MGAM2: variants seen among roughly 807,000 people sequenced by gnomAD.
The protein encoded by MGAM2 is probable maltase-glucoamylase 2.
Under a neutral mutation model 96.1 loss-of-function variants are expected in MGAM2, and 98 were observed. The observed-to-expected ratio is 1.02, with a 90% CI of 0.87 to 1.21. MGAM2 has a LOEUF of 1.21. Among genes scored for constraint, MGAM2 ranks in the 50% most tolerant of loss-of-function variants. MGAM2 has a pLI of 0.00. For missense variants in MGAM2, 2,055 were observed against 1,182.4 expected, an observed-to-expected ratio of 1.74 and a Z score of -10.82; for synonymous variants, 749 against 414.8, an observed-to-expected ratio of 1.81 and a Z score of -9.79.
At chr7:142,217,067 C>T (rs1322836576) in intron 46 of MGAM2, among the ~76,000 whole-genome samples, 2 of 152,148 alleles carry the variant, frequency 1.3e-5, no homozygotes, top group Non-Finnish European at 2.9e-5. Flanking sequence ...GTTACATGTC[C>T]TTCCTAAGTT....
rs1796802382 is a variant in MGAM2 at position 142,189,470 on chromosome 7, C to A, written c.4311C>A (p.Asn1437Lys). The A allele has an allele frequency of 1.2e-6, 1 of 861,288 alleles. No individual in the cohort carries two copies. Among genetic ancestry groups the A allele is most frequent in the Non-Finnish European group, 1.9e-6 (1 of 517,782 alleles). The allele number at this position is 861,288 out of a possible 1,614,324, so 53.4% of individuals were successfully genotyped here. The change falls in exon 37 of 48, where the codon AAC (asparagine) becomes AAA (lysine). Residue 1437 changes from asparagine to lysine, a missense_variant. By Grantham distance (94) the Asn-to-Lys change is moderately conservative (BLOSUM62 0). Transcript: ENST00000477922. ...CCGTGGAGCACTACAACGTGCACAACCTGTACGGGTGGTCCCAGACCAGAC... is the reference window on the plus strand; with the variant it reads ...CCGTGGAGCACTACAACGTGCACAAACTGTACGGGTGGTCCCAGACCAGAC... ...SSPVEHYNVH[N>K]LYGWSQTRPT...
chr7:142,140,927 T>C lies in MGAM2; in HGVS notation c.1212T>C (p.Ile404=). ...ATGACAATGGACAGAAATATCTTAT[T>C]ATTATGGTATGTTCAAACACTTGTT... The part of the protein sequence containing the change: ...ELHDNGQKYL[I]IMNPGISKNS... The change falls in exon 11 of 48, where the codon ATT becomes ATC. Residue 404 remains isoleucine (I), a synonymous_variant. Transcript: ENST00000477922. 1 of 702,660 alleles carries C rather than the reference T, an allele frequency of 1.4e-6. No homozygotes were observed. Among genetic ancestry groups the C allele is most frequent in the Non-Finnish European group, 2.6e-6 (1 of 384,882 alleles). The allele number at this position is 702,660 out of a possible 1,614,324, so 43.5% of individuals were successfully genotyped here.
Position 142,169,928 on chromosome 7 carries a change from G to A in MGAM2, c.3028-147G>A, listed in dbSNP as rs1796140288. On this transcript the variant is annotated intron_variant, in intron 26 of 47. Transcript: ENST00000477922. The stretch of plus-strand genomic sequence containing the variant: ...TGTATGGGGCACAGTGGGCAGGCAG[G>A]CCTCACATCCATTCGCTTGGGGATG... 13 of 531,680 alleles carry A rather than the reference G, an allele frequency of 2.4e-5. No individual in the cohort carries two copies. In the South Asian group the frequency reaches 3.1e-4, roughly 13 times the overall value. 32.9% of individuals were successfully genotyped at this position (531,680 alleles called of 1,614,324 possible). A position where few individuals can be genotyped will look rare whatever the true frequency, so the allele number is the denominator to read the frequency against.
At chr7:142,134,279 T>G (rs543863886) in intron 7 of MGAM2, 127 bp downstream of exon 7, 11 of 419,964 alleles carry the variant, frequency 2.6e-5, no homozygotes, top group Non-Finnish European at 4.7e-5. Flanking sequence ...TTGAGGAATA[T>G]TTGTTCTTGA....
chr7:142,182,641 G>T (rs1796577945), intron 32 of MGAM2, among the ~76,000 whole-genome samples: 1 of 152,200 alleles, frequency 6.6e-6, no homozygotes. Context: ...GGGGTCTGTT[G>T]TAGCTAGGAT....
In MGAM2 at chr7:142,147,501, C is replaced by G; in HGVS notation, c.1562C>G (p.Thr521Arg). ...TTTGCAAGAACTCTCTGCATGGACA[C>G]GGAGTTTCATGGGGGCCTTCATTAT... ...LLFARTLCMD[T>R]EFHGGLHYDI... is the part of the protein sequence containing the mutation. Residue 521 changes from threonine to arginine, a missense_variant, in exon 15 of 48, where the codon ACG (threonine) becomes AGG (arginine). Coordinates refer to ENST00000477922, the MANE Select transcript of MGAM2 (RefSeq NM_001293626.2). The G allele has an allele frequency of 1.4e-6, 1 of 702,744 alleles. No individual in the cohort carries two copies. The highest frequency in any genetic ancestry group is 2.6e-6 in the Non-Finnish European group (1 of 384,838). 43.5% of individuals were successfully genotyped at this position (702,744 alleles called of 1,614,324 possible).
chr7:142,128,572 G>A (rs1794791652), intron 3 of MGAM2, among the ~76,000 whole-genome samples: 1 of 152,198 alleles, frequency 6.6e-6, no homozygotes, highest in Admixed American at 6.5e-5. Context: ...GTGCAGCCTA[G>A]GGACTTGGGG....
chr7:142,175,627 A>G lies in MGAM2; in HGVS notation c.3688-25A>G, dbSNP rs751301214. 8 of 701,726 alleles carry G rather than the reference A, an allele frequency of 1.1e-5. 1 individual carries two copies. In the South Asian group the frequency reaches 1.2e-4, roughly 10 times the overall value. The allele number at this position is 701,726 out of a possible 1,614,324, so 43.5% of individuals were successfully genotyped here. ...GCAGGGCACCTACTGCAGGGTTCCA[A>G]GAGCCTTGCTGCTTCTTTCTGCAGG... On this transcript the variant is annotated intron_variant, in intron 31 of 47. Coordinates refer to ENST00000477922, the MANE Select transcript of MGAM2 (RefSeq NM_001293626.2).
At chr7:142,174,584 GT>G (rs1450019329) in intron 31 of MGAM2, among the ~76,000 whole-genome samples, 1 of 151,724 alleles carries the variant, frequency 6.6e-6, no homozygotes, top group Non-Finnish European at 1.5e-5. Flanking sequence ...AGATGATGGA[GT>G]TTTCTAGATA....
In MGAM2 at chr7:142,122,898, C is replaced by T. The variant is rs543886432; in HGVS notation, c.186+2517C>T. On this transcript the variant is annotated intron_variant, in intron 3 of 47. Transcript: ENST00000477922. ...AGACTGGAGTGCACTGGGGCGATCT[C>T]GGCTCACTGCAACCTCTGCCTCCCC... Among the ~76,000 whole-genome samples, 41 of 152,220 alleles carry T rather than the reference C, an allele frequency of 2.7e-4. No homozygotes were observed. In the East Asian group the frequency reaches 7.3e-3, roughly 27 times the overall value.
chr7:142,166,189 A>G lies in MGAM2; in HGVS notation c.2744A>G (p.Asn915Ser), dbSNP rs754154899. ...CCTGTCAGTGACCTGGAGAAGTTCA[A>G]CTGCTACCCTGATGATCCAACAGCC... is the stretch of plus-strand genomic sequence containing the variant. Reference protein sequence around the residue: ...NLPVSDLEKFNCYPDDPTASE... With the variant: ...NLPVSDLEKFSCYPDDPTASE... Residue 915 changes from asparagine (N) to serine (S), a missense_variant, in exon 25 of 48, where the codon AAC becomes AGC. Physicochemically the swap from Asn to Ser is conservative, Grantham distance 46. Coordinates refer to ENST00000477922, the MANE Select transcript of MGAM2 (RefSeq NM_001293626.2). 2 of 702,632 alleles carry G rather than the reference A, an allele frequency of 2.8e-6. No individual in the cohort carries two copies. The allele number at this position is 702,632 out of a possible 1,614,324, so 43.5% of individuals were successfully genotyped here.
chr7:142,170,266 C>T, intron 27 of MGAM2, 37 bp downstream of exon 27: 1 of 667,422 alleles, frequency 1.5e-6, no homozygotes, highest in Non-Finnish European at 2.7e-6. Flanking sequence ...TAGAGTAGTT[C>T]TAGATTTAAT....
Position 142,172,189 on chromosome 7 carries a change from C to T in MGAM2, c.3443C>T (p.Ala1148Val), listed in dbSNP as rs1007483077. ...GGAGTGCTCCTGCTAAATAGCAATG[C>T]CATGGGTAAGGCATAGGCACAGCTC... ...AHGVLLLNSN[A>V]MDVTLQPTPA... is the part of the protein sequence containing the mutation. The change falls in exon 29 of 48, where the codon GCC becomes GTC. Residue 1148 changes from alanine (A) to valine (V), a missense_variant. By Grantham distance (64) the Ala-to-Val change is moderately conservative (BLOSUM62 0). Transcript: ENST00000477922. The T allele has an allele frequency of 1.4e-5, 10 of 714,794 alleles. No individual in the cohort carries two copies. The highest frequency in any genetic ancestry group is 2.0e-5 in the Non-Finnish European group (8 of 390,942). The allele number at this position is 714,794 out of a possible 1,614,324, so 44.3% of individuals were successfully genotyped here. A position where few individuals can be genotyped will look rare whatever the true frequency, so the allele number is the denominator to read the frequency against.
Position 142,220,786 on chromosome 7 carries a change from T to C in MGAM2, c.6275T>C (p.Val2092Ala), listed in dbSNP as rs1188784681. The C allele has an allele frequency of 4.3e-6, 3 of 702,200 alleles. No individual in the cohort carries two copies. In the East Asian group the frequency reaches 8.1e-5, roughly 19 times the overall value. 43.5% of individuals were successfully genotyped at this position (702,200 alleles called of 1,614,324 possible). Residue 2092 changes from valine to alanine, a missense_variant, in exon 48 of 48, where the codon GTG becomes GCG. Physicochemically the swap from Val to Ala is moderately conservative, Grantham distance 64. Transcript: ENST00000477922. Reference protein sequence around the residue: ...TMPSPTSSTTVSTIATVPISV... With the variant: ...TMPSPTSSTTASTIATVPISV... ...CCTTCTCCTACAAGTAGTACTACTG[T>C]GAGTACTATTGCTACCGTTCCCATT... is the stretch of plus-strand genomic sequence containing the variant.
chr7:142,132,811 TATA>T (rs1387213371), intron 6 of MGAM2, among the ~76,000 whole-genome samples: 2 of 127,068 alleles, frequency 1.6e-5, no homozygotes, highest in South Asian at 2.3e-4. Flanking sequence ...TTATGTATAA[TATA>T]ATATATAATT....
rs1402913598 is a variant in MGAM2 at position 142,148,656 on chromosome 7, G to C, written c.1634+1083G>C. 1.3e-5 allele frequency among the ~76,000 whole-genome samples: 2 copies of C among 152,202 alleles called. No individual in the cohort carries two copies. The highest frequency in any genetic ancestry group is 4.8e-5 in the African/African-American group (2 of 41,452). On this transcript the variant is annotated intron_variant, in intron 15 of 47. Coordinates refer to ENST00000477922, the MANE Select transcript of MGAM2 (RefSeq NM_001293626.2). The surrounding 1 kb of genome is among the most constrained non-coding windows in gnomAD (Gnocchi z 4.2). Reference sequence around the variant, plus strand: ...ACCTAAGAGAGCAAGAAAATTTGGGGCCAGGCTTAAGATTTTAATTTGAAT... The same window carrying C: ...ACCTAAGAGAGCAAGAAAATTTGGGCCCAGGCTTAAGATTTTAATTTGAAT...
chr7:142,201,193 C>T (rs1456727248), intron 45 of MGAM2, among the ~76,000 whole-genome samples: 2 of 147,834 alleles, frequency 1.4e-5, no homozygotes, highest in East Asian at 4.0e-4. Flanking sequence ...GCTCAGCCTT[C>T]CCGAGTAGCT....
Position 142,220,949 on chromosome 7 carries a change from A to C in MGAM2, c.6438A>C (p.Gln2146His). ...TTINNISTPVQTNTTNASTST... is the reference protein window; with the variant it reads ...TTINNISTPVHTNTTNASTST... The stretch of plus-strand genomic sequence containing the variant: ...TTAATAATATAAGTACTCCTGTTCA[A>C]ACAAATACTACTAATGCTAGCACTA... The change falls in exon 48 of 48, where the codon CAA becomes CAC. Residue 2146 changes from glutamine (Q) to histidine (H), a missense_variant. Gln to His is a conservative substitution (Grantham distance 24, BLOSUM62 0). Transcript: ENST00000477922. 1.4e-6 allele frequency: 1 copy of C among 701,722 alleles called. No individual in the cohort carries two copies. The highest frequency in any genetic ancestry group is 2.3e-4 in the Middle Eastern group (1 of 4,360). 43.5% of individuals were successfully genotyped at this position (701,722 alleles called of 1,614,324 possible).
chr7:142,196,194 AC>A lies in MGAM2; in HGVS notation c.4390del (p.Arg1464AlafsTer32). The stretch of plus-strand genomic sequence containing the variant: ...GACAGGACAGCGAGGGGTCATCATC[AC>A]CCGCTCCACATTTCCCTCTTCTGGA... The part of the protein sequence containing the change: ...EVTGQRGVII[T>X]RSTFPSSGRW... On this transcript the variant is annotated frameshift_variant, in exon 38 of 48. Transcript: ENST00000477922. LOFTEE classifies it high-confidence loss of function. The A allele has an allele frequency of 8.3e-7, 1 of 1,197,722 alleles. No individual in the cohort carries two copies. Among genetic ancestry groups the A allele is most frequent in the Non-Finnish European group, 1.2e-6 (1 of 822,314 alleles). 74.2% of individuals were successfully genotyped at this position (1,197,722 alleles called of 1,614,324 possible).
Sources: gnomAD v4.1 joint callset for allele counts (sites outside exome capture counted in the v4.1 genomes callset) on GRCh38, gnomAD v4.1.1 for gene constraint, Gnocchi (gnomAD v3.1) non-coding constraint, MANE v1.5 for transcripts, NCBI Gene and HGNC (gene_info 2026-07-23, HGNC 2026-07-21) for gene names.